The following PSMA6 variants were observed in gnomAD, a reference collection of about 807,000 sequenced individuals.
PSMA6 encodes the protein proteasome subunit alpha type-6.
For missense variants in PSMA6, 170 were observed against 294.8 expected, an observed-to-expected ratio of 0.58 and a Z score of 3.10; for synonymous variants, 88 against 97.7, an observed-to-expected ratio of 0.90 and a Z score of 0.59.
At chr14:35,307,148 A>C (rs1343429920) in intron 1 of PSMA6, among the ~76,000 whole-genome samples, 5 of 152,214 alleles carry the variant, frequency 3.3e-5, no homozygotes, top group Admixed American at 6.5e-5. Context: ...ACTCCATCTC[A>C]AAAAAGAAAA....
At chr14:35,286,126 A>G (rs992334572) in intron 1 of PSMA6, among the ~76,000 whole-genome samples, 3 of 152,220 alleles carry the variant, frequency 2.0e-5, no homozygotes, top group Admixed American at 2.0e-4. Context: ...TGGGTACAGC[A>G]TACTCACCTG....
chr14:35,317,200 GA>G, intron 6 of PSMA6, 48 bp from the exon 7 acceptor site: 1 of 1,526,932 alleles, frequency 6.5e-7, no homozygotes. Flanking sequence ...ACGTGTGTTT[GA>G]AAAAATTTTT....
At position 35,292,430 on chromosome 14, in the gene PSMA6, GA is replaced by G. The variant is rs752916786; in HGVS notation, c.-46del. ...GGAGGTGCTTGTGTGCCTGGTGCGG[GA>G]GCTACGGGGCCCAGGGATTGTGTTT... On this transcript the variant is annotated 5_prime_UTR_variant, in exon 1 of 7. Coordinates refer to ENST00000261479, the MANE Select transcript of PSMA6 (RefSeq NM_002791.3). 2.6e-5 allele frequency: 42 copies of G among 1,589,452 alleles called. No individual in the cohort carries two copies. In the Middle Eastern group the frequency reaches 2.3e-3, roughly 87 times the overall value.
At chr14:35,290,855 A>G (rs2051469804), upstream of PSMA6, among the ~76,000 whole-genome samples, 2 of 152,254 alleles carry the variant, frequency 1.3e-5, no homozygotes, top group South Asian at 4.1e-4. Flanking sequence ...TCCCGGAGCT[A>G]CCTCGCCAGC....
rs2051996082 is a variant in PSMA6, at chr14:35,314,199, T to C, written c.589-162T>C. ...TTGGTAGAAAAAAATTTCTCATCAT[T>C]GGGAGGCAATACATTAGAGTTAAGC... On this transcript the variant is annotated intron_variant, in intron 5 of 6. Transcript: ENST00000261479. The C allele has an allele frequency of 9.5e-6, 7 of 733,936 alleles. No individual in the cohort carries two copies. The South Asian group carries it at 3.9e-4, about 41-fold the overall frequency. 45.5% of individuals were successfully genotyped at this position (733,936 alleles called of 1,614,324 possible). A position where few individuals can be genotyped will look rare whatever the true frequency, so the allele number is the denominator to read the frequency against.
upstream of PSMA6, among the ~76,000 whole-genome samples, chr14:35,291,434 A>G (rs1322209351): frequency 1.3e-5 from 2 of 151,990 alleles, no homozygotes; most frequent in Admixed American, 6.5e-5. Flanking sequence ...GTTAGCCAGG[A>G]TGGTCTCAAT....
intron 1 of PSMA6, among the ~76,000 whole-genome samples, chr14:35,305,796 CCT>C (rs2051813100): frequency 6.6e-6 from 1 of 152,140 alleles, no homozygotes; most frequent in Non-Finnish European, 1.5e-5. Context: ...TTGCTTTTCC[CCT>C]GATTACAAAA....
chr14:35,307,767 C>T (rs1393147492), intron 1 of PSMA6, among the ~76,000 whole-genome samples: 1 of 152,000 alleles, frequency 6.6e-6, no homozygotes, highest in Non-Finnish European at 1.5e-5. Context: ...AAATTGGGTG[C>T]ATCAGCTTAA....
chr14:35,283,297 T>C (rs1007441830), intron 1 of PSMA6, among the ~76,000 whole-genome samples: 109 of 142,228 alleles, frequency 7.7e-4, no homozygotes, highest in African/African-American at 2.7e-3. Flanking sequence ...GAGGCTGAGG[T>C]GGGAGAATCT....
rs547704339 is a variant in PSMA6, at chr14:35,280,374, CT to C, written c.19+1672del. ...CATCCACATTTTGGTCTCATTGTTT[CT>C]TTTTTTTTTTTTTTTCTTTTTCTTG... On this transcript the variant is annotated intron_variant, in intron 1 of 6. Coordinates refer to the PSMA6 transcript ENST00000540871. Among the ~76,000 whole-genome samples, 1,239 of 140,464 alleles carry C rather than the reference CT, an allele frequency of 8.8e-3. 16 individuals carry two copies. Among genetic ancestry groups the C allele is most frequent in the African/African-American group, 0.026 (1,001 of 38,548 alleles). The allele number at this position is 140,464 out of a possible 152,430, so 92.1% of individuals were successfully genotyped here.
intron 4 of PSMA6, among the ~76,000 whole-genome samples, chr14:35,311,965 A>G (rs972044069): frequency 1.6e-4 from 24 of 152,312 alleles, no homozygotes; most frequent in Admixed American, 4.6e-4. Context: ...TTGGTCAAAC[A>G]AACAGAAGAA....
rs1555334858 is a variant in PSMA6, at chr14:35,278,837, C to CA, written c.19+119_19+120insA. On this transcript the variant is annotated intron_variant, in intron 1 of 6. Coordinates refer to the PSMA6 transcript ENST00000540871. The stretch of plus-strand genomic sequence containing the variant: ...GACCTTGCTCTAGAATCCCAAGTTG[C>CA]TTTTTTTTCTATCCTGTGTTCCATG... The CA allele has an allele frequency of 3.4e-6, 4 of 1,172,054 alleles. No homozygotes were observed. The African/African-American group carries it at 6.2e-5, about 18-fold the overall frequency. The allele number at this position is 1,172,054 out of a possible 1,614,324, so 72.6% of individuals were successfully genotyped here.
intron 1 of PSMA6, among the ~76,000 whole-genome samples, chr14:35,306,355 A>G (rs743226): frequency 0.27 from 41,232 of 150,748 alleles, 7,614 homozygotes; most frequent in African/African-American, 0.52. Context: ...TCAGAAGTTC[A>G]AGACCAGCCT....
At chr14:35,297,497 G>T (rs578205011) in intron 1 of PSMA6, among the ~76,000 whole-genome samples, 1 of 152,138 alleles carries the variant, frequency 6.6e-6, no homozygotes, top group East Asian at 1.9e-4. Context: ...TTACAGGCGT[G>T]AGCCACCGTG....
chr14:35,311,639 C>T (rs2051946544), intron 4 of PSMA6, among the ~76,000 whole-genome samples: 2 of 152,110 alleles, frequency 1.3e-5, no homozygotes, highest in African/African-American at 4.8e-5. Flanking sequence ...TATAAGAAAG[C>T]AGTCAAACCA....
rs113274782 is a variant in PSMA6, at chr14:35,306,046, G to A, written c.77-1948G>A. Among the ~76,000 whole-genome samples, 1,031 of 147,804 alleles carry A rather than the reference G, an allele frequency of 7.0e-3. 6 individuals carry two copies. The highest frequency in any genetic ancestry group is 0.012 in the Non-Finnish European group (814 of 66,804). On this transcript the variant is annotated intron_variant, in intron 1 of 6. Coordinates refer to ENST00000261479, the MANE Select transcript of PSMA6 (RefSeq NM_002791.3). ...TTTGAGACCAGCCTGGGCAACATGG[G>A]AAGACTCCATCTCTACAGGAAAAAA...
At chr14:35,303,078 T>G (rs1400151715) in intron 1 of PSMA6, among the ~76,000 whole-genome samples, 3 of 152,198 alleles carry the variant, frequency 2.0e-5, no homozygotes, top group Non-Finnish European at 4.4e-5. Context: ...TTGATTTGTT[T>G]TTTGGTATAT....
chr14:35,287,553 T>G (rs1337100122), upstream of PSMA6, among the ~76,000 whole-genome samples: 2 of 152,182 alleles, frequency 1.3e-5, no homozygotes, highest in Non-Finnish European at 2.9e-5. Context: ...ACTGCCACTT[T>G]CTACCTTTGC....
At chr14:35,307,926 A>G in intron 1 of PSMA6, 68 bp from the exon 2 acceptor site, 1 of 1,431,316 alleles carries the variant, frequency 7.0e-7, no homozygotes, top group Non-Finnish European at 9.7e-7. Flanking sequence ...CTTTTTAATG[A>G]CTATTATTTC....
Sources: gnomAD v4.1 joint callset for allele counts (sites outside exome capture counted in the v4.1 genomes callset) on GRCh38, gnomAD v4.1.1 for gene constraint, MANE v1.5 for transcripts, NCBI Gene and HGNC (gene_info 2026-07-23, HGNC 2026-07-21) for gene names.